MYH6: variants seen among roughly 807,000 people sequenced by gnomAD.
MYH6 encodes the protein myosin-6.
A neutral mutation model predicts 223.2 loss-of-function variants in MYH6; 126 were observed. That is an observed-to-expected ratio of 0.56 (90% CI 0.49 to 0.65). MYH6 has a LOEUF of 0.65. Ranked by LOEUF, MYH6 falls within the 30% of genes least tolerant of loss-of-function variation. The pLI, the probability that MYH6 is intolerant of heterozygous loss-of-function variation, is 0.00. For missense variants in MYH6, 2,040 were observed against 2,536.4 expected (o/e 0.80, Z 4.20); for synonymous variants, 978 against 1,010.2 (o/e 0.97, Z 0.61).
chr14:23,401,378 A>G (rs927812047), intron 12 of MYH6, among the ~76,000 whole-genome samples: 4 of 152,228 alleles, frequency 2.6e-5, no homozygotes, highest in Non-Finnish European at 5.9e-5. Context: ...CATCAGGTCC[A>G]ATTTCTTTTC....
chr14:23,383,943 G>A (rs11624298), intron 36 of MYH6, among the ~76,000 whole-genome samples: 11,163 of 151,964 alleles, frequency 0.073, 533 homozygotes, highest in Non-Finnish European at 0.11. Flanking sequence ...TGACACCCTC[G>A]TCTCCTTGGC....
In MYH6 at chr14:23,405,416, G is replaced by T. The variant is rs199833621; in HGVS notation, c.346-37C>A. On this transcript the variant is annotated intron_variant, in intron 4 of 38. Coordinates refer to ENST00000405093, the MANE Select transcript of MYH6 (RefSeq NM_002471.4). The surrounding 1 kb of genome is among the most constrained non-coding windows in gnomAD (Gnocchi z 4.7). The stretch of plus-strand genomic sequence containing the variant: ...GACAAGGCTGGGCATGAGGTTGGTG[G>T]GGAGAGCCTGGGACAGGCAGTGGTG... The T allele has an allele frequency of 1.2e-6, 2 of 1,613,848 alleles. No homozygotes were observed. The highest frequency in any genetic ancestry group is 8.5e-7 in the Non-Finnish European group (1 of 1,179,866).
intron 14 of MYH6, 125 bp from the exon 15 acceptor site, chr14:23,399,162 G>T: frequency 8.6e-7 from 1 of 1,159,050 alleles, no homozygotes. Flanking sequence ...GGGGCGCTGT[G>T]CTGGTACCTC....
At position 23,407,311 on chromosome 14, in the gene MYH6, C is replaced by A. The variant is rs1400539286; in HGVS notation, c.-13-75G>T. The A allele has an allele frequency of 6.5e-7, 1 of 1,536,182 alleles. No individual in the cohort carries two copies. Among genetic ancestry groups the A allele is most frequent in the Non-Finnish European group, 8.9e-7 (1 of 1,118,048 alleles). On this transcript the variant is annotated intron_variant, in intron 2 of 38. Coordinates refer to ENST00000405093, the MANE Select transcript of MYH6 (RefSeq NM_002471.4). This position sits in a 1 kb window ranked among gnomAD's most constrained non-coding sequence, Gnocchi z 5.6. Reference sequence around the variant, plus strand: ...CAGCGAGTGGCTTTGTCCTCTGCAGCCCCCCTCCCTACCCCCGCTCCTCTC... The same window carrying A: ...CAGCGAGTGGCTTTGTCCTCTGCAGACCCCCTCCCTACCCCCGCTCCTCTC...
intron 35 of MYH6, 33 bp from the exon 36 acceptor site, chr14:23,384,750 G>C: frequency 6.2e-7 from 1 of 1,614,188 alleles, no homozygotes; most frequent in African/African-American, 1.3e-5. Context: ...AAGGAACATG[G>C]GCCAGGGGCC....
In MYH6 at chr14:23,388,969, G is replaced by T; in HGVS notation, c.4065C>A (p.Ala1355=). ...LREQYEEETE[A]KAELQRVLSK... is the part of the protein sequence containing the mutation. ...ACAGGACGCGCTGCAGCTCGGCCTT[G>T]GCCTCTGTCTCCTCCTCGTACTGCT... The change falls in exon 29 of 39, where the codon GCC becomes GCA. Residue 1355 remains alanine (A), a synonymous_variant. Transcript: ENST00000405093. The T allele has an allele frequency of 6.2e-7, 1 of 1,613,810 alleles. No homozygotes were observed. The highest frequency in any genetic ancestry group is 8.5e-7 in the Non-Finnish European group (1 of 1,180,034).
rs921540558 is a variant in MYH6, at chr14:23,386,056, G to A, written c.5035C>T (p.Arg1679Cys). 44 of 1,614,060 alleles carry A rather than the reference G, an allele frequency of 2.7e-5. No homozygotes were observed. The highest frequency in any genetic ancestry group is 3.2e-5 in the Non-Finnish European group (38 of 1,180,038). Reference sequence around the variant, plus strand: ...AGCTCAGCCTGCAGCAGGTTGTTGCGCCGCTCCACGATGGCGATGTTCTCC... The same window carrying A: ...AGCTCAGCCTGCAGCAGGTTGTTGCACCGCTCCACGATGGCGATGTTCTCC... The part of the protein sequence containing the change: ...LKENIAIVER[R>C]NNLLQAELEE... The change falls in exon 34 of 39, where the codon CGC becomes TGC. Residue 1679 changes from arginine (R) to cysteine (C), a missense_variant. By Grantham distance (180) the Arg-to-Cys change is radical (BLOSUM62 -3). Transcript: ENST00000405093.
At chr14:23,389,534 G>T in intron 27 of MYH6, 23 bp from the exon 28 acceptor site, 1 of 1,614,224 alleles carries the variant, frequency 6.2e-7, no homozygotes, top group Non-Finnish European at 8.5e-7. Context: ...TGAGGGGCTT[G>T]TGGGCCATTT....
At chr14:23,404,021 A>G (rs1195455228) in intron 8 of MYH6, among the ~76,000 whole-genome samples, 6 of 152,164 alleles carry the variant, frequency 3.9e-5, no homozygotes, top group African/African-American at 1.2e-4. Flanking sequence ...TACCTCTCAT[A>G]TGATCTCACC....
intron 34 of MYH6, 104 bp downstream of exon 34, chr14:23,385,824 T>C (rs978352380): frequency 3.3e-6 from 5 of 1,519,748 alleles, no homozygotes; most frequent in East Asian, 2.3e-5. Flanking sequence ...AGGAAATGAT[T>C]TGTGACCCTG....
intron 30 of MYH6, 61 bp downstream of exon 30, chr14:23,388,094 C>T: frequency 6.2e-7 from 1 of 1,611,686 alleles, no homozygotes; most frequent in Admixed American, 1.7e-5. Flanking sequence ...TTTGGCCTCT[C>T]ACTGAACCCC....
Position 23,405,337 on chromosome 14 carries a change from A to G in MYH6, c.388T>C (p.Trp130Arg), listed in dbSNP as rs1595064549. 6.2e-7 allele frequency: 1 copy of G among 1,614,136 alleles called. No homozygotes were observed. Among genetic ancestry groups the G allele is most frequent in the Non-Finnish European group, 8.5e-7 (1 of 1,179,988 alleles). The change falls in exon 5 of 39, where the codon TGG becomes CGG. Residue 130 changes from tryptophan (W) to arginine (R), a missense_variant. Around this residue, in one of 4 missense-constraint regions of MYH6, gnomAD observed 184 missense variants for 232.4 expected, o/e 0.79. Transcript: ENST00000405093. This position sits in a 1 kb window ranked among gnomAD's most constrained non-coding sequence, Gnocchi z 4.7. ...ACCTCGGCATTGTACACCGGCAGCC[A>G]CTTGTAGGGGTTGACAGTGACACAG... ...LFCVTVNPYKWLPVYNAEVVA... is the reference protein window; with the variant it reads ...LFCVTVNPYKRLPVYNAEVVA...
At chr14:23,398,038 G>A (rs1000194650) in intron 15 of MYH6, among the ~76,000 whole-genome samples, 9 of 115,864 alleles carry the variant, frequency 7.8e-5, no homozygotes, top group Non-Finnish European at 1.2e-4. Flanking sequence ...CTATTTTTGA[G>A]ATGGAATCTC....
rs747148998 is a variant in MYH6, at chr14:23,385,944, T to C, written c.5147A>G (p.Gln1716Arg). ...CCCCCTCACCTGGGAATGCAGCAGC[T>C]GCACCCGCTCGCTGGTCTCAATCAG... ...QELIETSERV[Q>R]LLHSQNTSLI... The change falls in exon 34 of 39, where the codon CAG becomes CGG. Residue 1716 changes from glutamine (Q) to arginine (R), a missense_variant. Gln to Arg is a conservative substitution (Grantham distance 43). Coordinates refer to ENST00000405093, the MANE Select transcript of MYH6 (RefSeq NM_002471.4). The C allele has an allele frequency of 1.9e-6, 3 of 1,614,084 alleles. No homozygotes were observed. The East Asian group carries it at 6.7e-5, about 36-fold the overall frequency.
chr14:23,407,318 C>A lies in MYH6; in HGVS notation c.-13-82G>T. ...TGGCTTTGTCCTCTGCAGCCCCCCTCCCTACCCCCGCTCCTCTCCTCCACC... is the reference window on the plus strand; with the variant it reads ...TGGCTTTGTCCTCTGCAGCCCCCCTACCTACCCCCGCTCCTCTCCTCCACC... On this transcript the variant is annotated intron_variant, in intron 2 of 38. Coordinates refer to ENST00000405093, the MANE Select transcript of MYH6 (RefSeq NM_002471.4). This position sits in a 1 kb window ranked among gnomAD's most constrained non-coding sequence, Gnocchi z 5.6. The A allele has an allele frequency of 1.3e-6, 2 of 1,507,096 alleles. No individual in the cohort carries two copies. Among genetic ancestry groups the A allele is most frequent in the African/African-American group, 2.7e-5 (2 of 72,890 alleles). The allele number at this position is 1,507,096 out of a possible 1,614,324, so 93.4% of individuals were successfully genotyped here.
At chr14:23,402,642 T>C in intron 11 of MYH6, 40 bp from the exon 12 acceptor site, 2 of 1,613,462 alleles carry the variant, frequency 1.2e-6, no homozygotes, top group Non-Finnish European at 1.7e-6. Flanking sequence ...GTTGGAGCGG[T>C]GGCCCCAGGA....
At chr14:23,397,940 C>CTTCTTCTTCTTCTTTTTCTTCTTT (rs1566512339) in intron 15 of MYH6, among the ~76,000 whole-genome samples, 1 of 53,192 alleles carries the variant, frequency 1.9e-5, no homozygotes. Context: ...TCCTCTTCTT[C>CTTCTTCTTCTTCTTTTTCTTCTTT]TTCTTCTTCT....
rs190479390 is a variant in MYH6 at position 23,408,268 on chromosome 14, C to T, written c.-62G>A. 2.3e-5 allele frequency: 23 copies of T among 985,416 alleles called. No individual in the cohort carries two copies. The East Asian group carries it at 2.5e-3, about 107-fold the overall frequency. The allele number at this position is 985,416 out of a possible 1,614,324, so 61.0% of individuals were successfully genotyped here. On this transcript the variant is annotated 5_prime_UTR_variant, in exon 1 of 39. Coordinates refer to ENST00000405093, the MANE Select transcript of MYH6 (RefSeq NM_002471.4). ...CTCCTCTTACCTGGGCCGCAGGAGT[C>T]TCTCTATCTGTCCTCAAAGCTCCAG...
chr14:23,383,341 G>GGCCCCCCCCCCCCCC, intron 36 of MYH6, 21 bp from the exon 37 acceptor site: 1 of 556,574 alleles, frequency 1.8e-6, no homozygotes, highest in East Asian at 4.9e-5. Context: ...GAGGGTGGGA[G>GGCCCCCCCCCCCCCC]AAGCTGGTTT....
Sources: allele counts gnomAD v4.1 joint callset (sites outside exome capture counted in the v4.1 genomes callset), GRCh38; gene constraint gnomAD v4.1.1; regional missense constraint gnomAD v4.1.1; non-coding constraint Gnocchi (gnomAD v3.1); transcripts MANE v1.5; gene names NCBI Gene and HGNC (gene_info 2026-07-23, HGNC 2026-07-21).